Variants in MBD4 observed in about 807,000 individuals in gnomAD.
MBD4 encodes the protein methyl-CpG binding domain 4, DNA glycosylase.
In MBD4, 53 loss-of-function variants were observed where a neutral mutation model predicts 60.2. The observed-to-expected ratio is 0.88, with a 90% CI of 0.71 to 1.11. The LOEUF is 1.11. MBD4 is among the 50% of genes least tolerant of loss of function. MBD4 has a pLI of 0.00. For synonymous variants in MBD4, 231 were observed against 229.8 expected, an observed-to-expected ratio of 1.01 and a Z score of -0.05; for missense variants, 619 against 674.0, an observed-to-expected ratio of 0.92 and a Z score of 0.90.
rs1478149150 is a variant in MBD4 at position 129,439,780 on chromosome 3, G to A, written c.54C>T (p.Pro18=). The A allele has an allele frequency of 6.2e-7, 1 of 1,608,946 alleles. No individual in the cohort carries two copies. The highest frequency in any genetic ancestry group is 1.7e-5 in the Admixed American group (1 of 59,386). Residue 18 remains proline (P), a synonymous_variant, in exon 1 of 8, where the codon CCC becomes CCT. Transcript: ENST00000429544. ...CTAGGCGCTCACTAGAGGTGACGGTGGGGGCAGCTCCGCGGTCCCCCAGAC... is the reference window on the plus strand; with the variant it reads ...CTAGGCGCTCACTAGAGGTGACGGTAGGGGCAGCTCCGCGGTCCCCCAGAC... The part of the protein sequence containing the change: ...SLSLGDRGAA[P]TVTSSERLVP...
At chr3:129,432,398 G>C in intron 7 of MBD4, 105 bp downstream of exon 7, 1 of 1,601,512 alleles carries the variant, frequency 6.2e-7, no homozygotes, top group Non-Finnish European at 8.5e-7. Context: ...AATTGTTTGT[G>C]ACTGTAATAG....
intron 7 of MBD4, 77 bp from the exon 8 acceptor site, chr3:129,431,655 T>TAA: frequency 9.2e-7 from 1 of 1,081,700 alleles, no homozygotes; most frequent in Non-Finnish European, 1.4e-6. Flanking sequence ...AATTGGCTTT[T>TAA]TAAATGTTTG....
Position 129,433,883 on chromosome 3 carries a change from G to C in MBD4, c.1360C>G (p.Leu454Val). ...ETLFHDPWKL[L>V]IATIFLNRTS... is the part of the protein sequence containing the mutation. ...CGATTGAGAAATATAGTAGCGATGAGAAGCTTCCATGGATCATGAAAAAGT... is the reference window on the plus strand; with the variant it reads ...CGATTGAGAAATATAGTAGCGATGACAAGCTTCCATGGATCATGAAAAAGT... The change falls in exon 5 of 8, where the codon CTC becomes GTC. Residue 454 changes from leucine to valine, a missense_variant. Physicochemically the swap from Leu to Val is conservative, Grantham distance 32. Coordinates refer to ENST00000429544, the MANE Select transcript of MBD4 (RefSeq NM_001276270.2). The C allele has an allele frequency of 1.9e-6, 3 of 1,614,160 alleles. No homozygotes were observed. The highest frequency in any genetic ancestry group is 2.5e-6 in the Non-Finnish European group (3 of 1,180,006).
In MBD4 at chr3:129,439,688, AC is replaced by A. The variant is rs1489936037; in HGVS notation, c.104+41del. ...CTGTCCACTCTCCCGATACCATTTT[AC>A]AGGTGGTGAAACTGAGGCCCAAAAG... On this transcript the variant is annotated intron_variant, in intron 1 of 7. Transcript: ENST00000429544. The A allele has an allele frequency of 2.5e-6, 3 of 1,185,272 alleles. No homozygotes were observed. In the African/African-American group the frequency reaches 4.5e-5, roughly 18 times the overall value. 73.4% of individuals were successfully genotyped at this position (1,185,272 alleles called of 1,614,324 possible).
rs1393832320 is a variant in MBD4, at chr3:129,439,730, C to T, written c.104G>A (p.Arg35His). ...GGCCCAAAAGGGGACAGTAACTTAC[C>T]GGAGGTCATTCGGCGGGTCTGGGAC... is the stretch of plus-strand genomic sequence containing the variant. ...RLVPDPPNDL[R>H]KEDVAMELER... is the part of the protein sequence containing the mutation. Residue 35 changes from arginine (R) to histidine (H), a missense_variant and splice_region_variant, in exon 1 of 8, where the codon CGC (arginine) becomes CAC (histidine). Transcript: ENST00000429544. The T allele has an allele frequency of 2.5e-6, 4 of 1,573,970 alleles. No individual in the cohort carries two copies. The highest frequency in any genetic ancestry group is 2.3e-5 in the East Asian group (1 of 43,706).
intron 1 of MBD4, among the ~76,000 whole-genome samples, chr3:129,438,602 C>G (rs1213902652): frequency 1.3e-5 from 2 of 152,038 alleles, no homozygotes; most frequent in Admixed American, 6.5e-5. Context: ...ACTTCTCCCC[C>G]ATACTGTTAT....
rs10342 is a variant in MBD4 at position 129,436,827 on chromosome 3, C to T, written c.817G>A (p.Ala273Thr). 135,695 of 1,614,010 alleles carry T rather than the reference C, an allele frequency of 0.084. 6,177 individuals are homozygous for T. The highest frequency in any genetic ancestry group is 0.12 in the Middle Eastern group (752 of 6,062). The change falls in exon 3 of 8, where the codon GCT (alanine) becomes ACT (threonine). Residue 273 changes from alanine (A) to threonine (T), a missense_variant. Ala to Thr is a moderately conservative substitution (Grantham distance 58). Transcript: ENST00000429544. ...TTTTGTGCAACAGGTTCACTTTCAG[C>T]ATCTGCTTTATTACACACAGATTCT... ...KRESVCNKADAESEPVAQKSQ... is the reference protein window; with the variant it reads ...KRESVCNKADTESEPVAQKSQ...
chr3:129,434,610 G>C (rs1290212661), intron 3 of MBD4, among the ~76,000 whole-genome samples: 1 of 152,136 alleles, frequency 6.6e-6, no homozygotes, highest in African/African-American at 2.4e-5. Flanking sequence ...GAAAAAGCAA[G>C]AGTCTACATA....
At position 129,430,965 on chromosome 3, in the gene MBD4, T is replaced by C. The variant is rs184058837; in HGVS notation, c.*536A>G. On this transcript the variant is annotated 3_prime_UTR_variant, in exon 8 of 8. Transcript: ENST00000429544. ...AATCTTATTTGTCTTTGGGGTCAGCTTTTATTTTTATTTTTTAAATATATA... is the reference window on the plus strand; with the variant it reads ...AATCTTATTTGTCTTTGGGGTCAGCCTTTATTTTTATTTTTTAAATATATA... 1.6e-3 allele frequency: 250 copies of C among 154,550 alleles called. 1 individual carries two copies. Among genetic ancestry groups the C allele is most frequent in the African/African-American group, 5.5e-3 (228 of 41,550 alleles). The allele number at this position is 154,550 out of a possible 1,614,324, so 9.6% of individuals were successfully genotyped here. A position where few individuals can be genotyped will look rare whatever the true frequency, so the allele number is the denominator to read the frequency against.
intron 3 of MBD4, among the ~76,000 whole-genome samples, chr3:129,434,958 C>T (rs578246535): frequency 5.3e-5 from 8 of 152,298 alleles, no homozygotes; most frequent in South Asian, 2.1e-4. Context: ...ACCATACCCT[C>T]GCAATTTGAA....
At position 129,434,096 on chromosome 3, in the gene MBD4, T is replaced by G. The variant is rs1362573700; in HGVS notation, c.1224A>C (p.Thr408=). 1.9e-6 allele frequency: 3 copies of G among 1,613,960 alleles called. No individual in the cohort carries two copies. The highest frequency in any genetic ancestry group is 2.5e-6 in the Non-Finnish European group (3 of 1,179,946). The part of the protein sequence containing the change: ...IPRTQIERRK[T]SLYFSSKYNK... ...TATATTTGCTGGAAAAATACAGGCT[T>G]GTTTTCCTTCTTTCTATCTGTGTTC... is the stretch of plus-strand genomic sequence containing the variant. Residue 408 remains threonine (T), a synonymous_variant, in exon 4 of 8, where the codon ACA becomes ACC. Transcript: ENST00000429544.
chr3:129,439,900 T>G lies in MBD4; in HGVS notation c.-67A>C. 5.4e-6 allele frequency: 6 copies of G among 1,117,712 alleles called. No individual in the cohort carries two copies. The highest frequency in any genetic ancestry group is 8.1e-6 in the Non-Finnish European group (6 of 739,674). The allele number at this position is 1,117,712 out of a possible 1,614,324, so 69.2% of individuals were successfully genotyped here. A position where few individuals can be genotyped will look rare whatever the true frequency, so the allele number is the denominator to read the frequency against. Reference sequence around the variant, plus strand: ...GCCCAGGGTGTGGGGCGGAGTAAGATGTGAAACCTCTTCAGCTCACGGCAC... The same window carrying G: ...GCCCAGGGTGTGGGGCGGAGTAAGAGGTGAAACCTCTTCAGCTCACGGCAC... On this transcript the variant is annotated 5_prime_UTR_variant, in exon 1 of 8. Coordinates refer to ENST00000429544, the MANE Select transcript of MBD4 (RefSeq NM_001276270.2).
intron 3 of MBD4, 154 bp downstream of exon 3, chr3:129,436,307 C>G: frequency 1.2e-6 from 1 of 811,770 alleles, no homozygotes; most frequent in Admixed American, 2.6e-5. Flanking sequence ...GTATTAGGAT[C>G]AACTGGTATC....
At position 129,433,636 on chromosome 3, in the gene MBD4, G is replaced by A. The variant is rs1173351890; in HGVS notation, c.1393+214C>T. ...ACTGATGATCAAAAAGAATTTGGAA[G>A]TATAAAATAAATAAAATCTACCTCT... On this transcript the variant is annotated intron_variant, in intron 5 of 7. Coordinates refer to ENST00000429544, the MANE Select transcript of MBD4 (RefSeq NM_001276270.2). The A allele has an allele frequency of 8.2e-6, 5 of 613,106 alleles. No homozygotes were observed. In the East Asian group the frequency reaches 1.1e-4, roughly 14 times the overall value. 38.0% of individuals were successfully genotyped at this position (613,106 alleles called of 1,614,324 possible). A position where few individuals can be genotyped will look rare whatever the true frequency, so the allele number is the denominator to read the frequency against.
At chr3:129,431,696 TAA>T in intron 7 of MBD4, 118 bp from the exon 8 acceptor site, 1 of 755,256 alleles carries the variant, frequency 1.3e-6, no homozygotes, top group Non-Finnish European at 2.4e-6. Flanking sequence ...ATACCATACC[TAA>T]AAGTTATAAC....
chr3:129,431,157 T>G lies in MBD4; in HGVS notation c.*344A>C. On this transcript the variant is annotated 3_prime_UTR_variant, in exon 8 of 8. Transcript: ENST00000429544. ...CACCACGCCTAGCCGATAAAAATATTTAGTGGGCCCCTAGCTTTAGCAAGG... is the reference window on the plus strand; with the variant it reads ...CACCACGCCTAGCCGATAAAAATATGTAGTGGGCCCCTAGCTTTAGCAAGG... 1 of 270,864 alleles carries G rather than the reference T, an allele frequency of 3.7e-6. No individual in the cohort carries two copies. The highest frequency in any genetic ancestry group is 7.2e-6 in the Non-Finnish European group (1 of 139,612). The allele number at this position is 270,864 out of a possible 1,614,324, so 16.8% of individuals were successfully genotyped here.
In MBD4 at chr3:129,436,468, G is replaced by C. The variant is rs1360092347; in HGVS notation, c.1176C>G (p.Asp392Glu). 6.2e-7 allele frequency: 1 copy of C among 1,614,042 alleles called. No individual in the cohort carries two copies. The highest frequency in any genetic ancestry group is 8.5e-7 in the Non-Finnish European group (1 of 1,180,004). Reference sequence around the variant, plus strand: ...CTTGAAATATTTTCTCACCAGTGAAGTCTTTCCTGGTTGGTGAGCAGTTGT... The same window carrying C: ...CTTGAAATATTTTCTCACCAGTGAACTCTTTCCTGGTTGGTGAGCAGTTGT... ...MDNNCSPTRK[D>E]FTEDTIPRTQ... The change falls in exon 3 of 8, where the codon GAC (aspartate) becomes GAG (glutamate). Residue 392 changes from aspartate (D) to glutamate (E), a missense_variant. Coordinates refer to ENST00000429544, the MANE Select transcript of MBD4 (RefSeq NM_001276270.2).
chr3:129,436,760 G>A lies in MBD4; in HGVS notation c.884C>T (p.Ala295Val). 1 of 1,613,912 alleles carries A rather than the reference G, an allele frequency of 6.2e-7. No homozygotes were observed. Among genetic ancestry groups the A allele is most frequent in the South Asian group, 1.1e-5 (1 of 91,074 alleles). The change falls in exon 3 of 8, where the codon GCA (alanine) becomes GTA (valine). Residue 295 changes from alanine to valine, a missense_variant. By Grantham distance (64) the Ala-to-Val change is moderately conservative. Coordinates refer to ENST00000429544, the MANE Select transcript of MBD4 (RefSeq NM_001276270.2). ...GGTCACACTGAGGGTCTCACCACATGCTCCAGCATCAGAAATGCAGACAGT... is the reference window on the plus strand; with the variant it reads ...GGTCACACTGAGGGTCTCACCACATACTCCAGCATCAGAAATGCAGACAGT... The part of the protein sequence containing the change: ...DRTVCISDAG[A>V]CGETLSVTSE...
In MBD4 at chr3:129,431,549, T is replaced by C. The variant is rs752818326; in HGVS notation, c.1677A>G (p.Lys559=). ...GATTTTCCCAAAGCCAGTCATGATATTTATTTAATTTGTGGTCTTCAGGGT... is the reference window on the plus strand; with the variant it reads ...GATTTTCCCAAAGCCAGTCATGATACTTATTTAATTTGTGGTCTTCAGGGT... The part of the protein sequence containing the change: ...QVHPEDHKLN[K]YHDWLWENHE... Residue 559 remains lysine, a synonymous_variant, in exon 8 of 8, where the codon AAA becomes AAG. Transcript: ENST00000429544. The C allele has an allele frequency of 5.0e-6, 8 of 1,613,212 alleles. No homozygotes were observed. The Admixed American group carries it at 1.3e-4, about 27-fold the overall frequency.
Sources: allele counts gnomAD v4.1 joint callset (sites outside exome capture counted in the v4.1 genomes callset), GRCh38; gene constraint gnomAD v4.1.1; transcripts MANE v1.5; gene names NCBI Gene and HGNC (gene_info 2026-07-23, HGNC 2026-07-21).